KIAA1671: variants seen among roughly 807,000 people sequenced by gnomAD.
The protein encoded by KIAA1671 is KIAA1671.
KIAA1671 carries 52 observed loss-of-function variants against 131.2 expected under a neutral mutation model. The observed-to-expected ratio is 0.40, with a 90% CI of 0.32 to 0.50. KIAA1671 has a LOEUF of 0.50. KIAA1671 is among the 20% of genes least tolerant of loss of function. KIAA1671 has a pLI of 0.73. For synonymous variants in KIAA1671, 1,003 were observed against 961.6 expected (o/e 1.04, Z -0.80); for missense variants, 2,360 against 2,364.2 (o/e 1.00, Z 0.04).
At chr22:25,058,735 G>C (rs1037601139) in intron 6 of KIAA1671, 5 of 152,228 alleles carry the variant, frequency 3.3e-5, no homozygotes, top group African/African-American at 4.8e-5. Context: ...CGCAGGTCAA[G>C]AAGCCAAGCA....
intron 3 of KIAA1671, 77 bp downstream of exon 3, chr22:25,029,617 C>A: frequency 9.1e-7 from 1 of 1,104,110 alleles, no homozygotes; most frequent in Non-Finnish European, 1.2e-6. Flanking sequence ...AGGCTCCATG[C>A]TGGGCACTTG....
Position 25,181,696 on chromosome 22 carries a change from C to G in KIAA1671, c.5075-3C>G. Reference sequence around the variant, plus strand: ...GAATTCAGTGCCCTTTTCTTTGCAACAGAGGAGAAATCACCCAGGAAGGAG... The same window carrying G: ...GAATTCAGTGCCCTTTTCTTTGCAAGAGAGGAGAAATCACCCAGGAAGGAG... On this transcript the variant is annotated splice_region_variant and splice_polypyrimidine_tract_variant and intron_variant, in intron 9 of 12. Transcript: ENST00000358431. The G allele has an allele frequency of 6.4e-7, 1 of 1,551,424 alleles. No individual in the cohort carries two copies. Among genetic ancestry groups the G allele is most frequent in the Non-Finnish European group, 8.7e-7 (1 of 1,146,870 alleles).
At chr22:25,189,554 C>T (rs935840857) in intron 11 of KIAA1671, among the ~76,000 whole-genome samples, 6 of 152,078 alleles carry the variant, frequency 3.9e-5, no homozygotes, top group African/African-American at 9.7e-5. Context: ...TGCTACTCAG[C>T]GCCTACTGAT....
intron 6 of KIAA1671, chr22:25,112,294 C>G: frequency 2.5e-6 from 1 of 399,024 alleles, no homozygotes; most frequent in Non-Finnish European, 4.4e-6. Context: ...CGGTGGGCCA[C>G]GAACGGACGA....
At chr22:25,164,386 G>A (rs747460531) in intron 6 of KIAA1671, among the ~76,000 whole-genome samples, 1 of 152,178 alleles carries the variant, frequency 6.6e-6, no homozygotes, top group Non-Finnish European at 1.5e-5. Flanking sequence ...TGGACTCAGG[G>A]GGTCCGTCCA....
chr22:25,042,218 C>T lies in KIAA1671; in HGVS notation c.4395+693C>T, dbSNP rs374423903. Among the ~76,000 whole-genome samples the T allele has an allele frequency of 1.8e-4, 28 of 152,286 alleles. No individual in the cohort carries two copies. In the East Asian group the frequency reaches 3.3e-3, roughly 18 times the overall value. ...ACTTGTCTGCTAGCCCCATGCAGCG[C>T]GCCGGCCACCTGTTTTACACTTCTG... On this transcript the variant is annotated intron_variant, in intron 5 of 12. Transcript: ENST00000358431.
At chr22:24,989,622 G>A (rs1159623728) in intron 1 of KIAA1671, among the ~76,000 whole-genome samples, 8 of 152,104 alleles carry the variant, frequency 5.3e-5, no homozygotes, top group African/African-American at 1.9e-4. Context: ...CTGGCCCAAG[G>A]CAAGAGTGTG....
Position 25,040,035 on chromosome 22 carries a change from T to A in KIAA1671, c.2905T>A (p.Ser969Thr), listed in dbSNP as rs1222845249. Residue 969 changes from serine (S) to threonine (T), a missense_variant, in exon 5 of 13, where the codon TCT (serine) becomes ACT (threonine). Transcript: ENST00000358431. ...ATTCAGTTCTCTTGTCCCAGAGGAC[T>A]CTCCACATGTGGGGCACAGACGAAC... ...DTFSSLVPED[S>T]PHVGHRRTDY... 6.4e-7 allele frequency: 1 copy of A among 1,551,536 alleles called. No homozygotes were observed. The highest frequency in any genetic ancestry group is 1.4e-5 in the African/African-American group (1 of 73,042).
At chr22:25,043,149 C>G (rs1927041458) in intron 5 of KIAA1671, among the ~76,000 whole-genome samples, 2 of 152,208 alleles carry the variant, frequency 1.3e-5, no homozygotes, top group South Asian at 4.2e-4. Flanking sequence ...ACTTTAATTA[C>G]AAGCACACCC....
chr22:25,090,659 A>G (rs1370814106), intron 6 of KIAA1671, among the ~76,000 whole-genome samples: 11 of 152,232 alleles, frequency 7.2e-5, no homozygotes, highest in Admixed American at 3.3e-4. Flanking sequence ...CTTGCTGCAT[A>G]TCAGACACCA....
chr22:25,112,388 C>T, intron 6 of KIAA1671: 2 of 399,124 alleles, frequency 5.0e-6, no homozygotes, highest in South Asian at 1.3e-4. Context: ...ATCCTTCCGC[C>T]GCTTCTCTGC....
intron 6 of KIAA1671, among the ~76,000 whole-genome samples, chr22:25,093,899 G>T (rs1930275172): frequency 2.1e-5 from 2 of 95,714 alleles, no homozygotes; most frequent in Admixed American, 1.3e-4. Context: ...TTCTGCTTCT[G>T]CTTCTGCTTC....
intron 1 of KIAA1671, among the ~76,000 whole-genome samples, chr22:24,987,696 A>G (rs1225490188): frequency 2.0e-5 from 3 of 152,140 alleles, no homozygotes; most frequent in Non-Finnish European, 4.4e-5. Context: ...GCCCTAAGCA[A>G]TGCTCCCACC....
rs1051249156 is a variant in KIAA1671 at position 25,114,618 on chromosome 22, G to A, written c.4531-56202G>A. Among the ~76,000 whole-genome samples the A allele has an allele frequency of 2.0e-4, 31 of 152,282 alleles. No homozygotes were observed. The East Asian group carries it at 4.1e-3, about 20-fold the overall frequency. ...CCTCCTCTGTGAAATGGGGATGATC[G>A]TGCATTGATGTGCTGGTAAATGTGT... is the stretch of plus-strand genomic sequence containing the variant. On this transcript the variant is annotated intron_variant, in intron 6 of 12. Coordinates refer to ENST00000358431, the MANE Select transcript of KIAA1671 (RefSeq NM_001145206.2).
At chr22:25,159,148 T>A (rs867357685) in intron 6 of KIAA1671, among the ~76,000 whole-genome samples, 9 of 151,984 alleles carry the variant, frequency 5.9e-5, no homozygotes, top group Non-Finnish European at 1.0e-4. Context: ...GTTTATAGCC[T>A]CCAAGGAAGC....
In KIAA1671 at chr22:25,049,581, C is replaced by G. The variant is rs898843809; in HGVS notation, c.4530+217C>G. 99 of 517,358 alleles carry G rather than the reference C, an allele frequency of 1.9e-4. 2 individuals are homozygous for G. Among genetic ancestry groups the G allele is most frequent in the Non-Finnish European group, 2.9e-4 (84 of 294,470 alleles). The allele number at this position is 517,358 out of a possible 1,614,324, so 32.0% of individuals were successfully genotyped here. A position where few individuals can be genotyped will look rare whatever the true frequency, so the allele number is the denominator to read the frequency against. On this transcript the variant is annotated intron_variant, in intron 6 of 12. Transcript: ENST00000358431. ...GCTCTGCTGGGGAAACCTTCTTCCT[C>G]TTGAGTTTCCAGCCCAGCACTGCCT... is the stretch of plus-strand genomic sequence containing the variant.
intron 6 of KIAA1671, among the ~76,000 whole-genome samples, chr22:25,097,271 TTG>T (rs1930435180): frequency 6.6e-6 from 1 of 152,190 alleles, no homozygotes; most frequent in South Asian, 2.1e-4. Context: ...ATCCTCACCA[TTG>T]TCATTTGGTA....
In KIAA1671 at chr22:24,974,930, G is replaced by A. The variant is rs776104006; in HGVS notation, c.-208+22158G>A. ...GCTGGTCTCAAACTCCTGACTTCAG[G>A]TGATCCATCCGCCTCGGCCTCCCAA... On this transcript the variant is annotated intron_variant, in intron 1 of 12. Coordinates refer to ENST00000358431, the MANE Select transcript of KIAA1671 (RefSeq NM_001145206.2). Among the ~76,000 whole-genome samples, 35 of 151,932 alleles carry A rather than the reference G, an allele frequency of 2.3e-4. 1 individual carries two copies. Among genetic ancestry groups the A allele is most frequent in the Non-Finnish European group, 1.0e-4 (7 of 67,988 alleles).
At chr22:25,115,215 C>T (rs903575103) in intron 6 of KIAA1671, among the ~76,000 whole-genome samples, 25 of 152,142 alleles carry the variant, frequency 1.6e-4, no homozygotes, top group African/African-American at 5.8e-4. Flanking sequence ...CCAGGTTTAG[C>T]CGAGGAGACA....
Sources: allele counts gnomAD v4.1 joint callset (sites outside exome capture counted in the v4.1 genomes callset), GRCh38; gene constraint gnomAD v4.1.1; transcripts MANE v1.5; gene names NCBI Gene and HGNC (gene_info 2026-07-23, HGNC 2026-07-21).